Variants in NDUFA9 observed in about 807,000 individuals in gnomAD.
The protein encoded by NDUFA9 is NADH dehydrogenase [ubiquinone] 1 alpha subcomplex subunit 9, mitochondrial.
Under a neutral mutation model 45.9 loss-of-function variants are expected in NDUFA9, and 23 were observed. The ratio of observed to expected loss-of-function variants is 0.50; its 90% CI spans 0.36 to 0.71. The LOEUF (loss-of-function observed/expected upper bound fraction) is 0.71. NDUFA9 is among the 30% of genes least tolerant of loss of function. The pLI is 0.00. For synonymous variants in NDUFA9, 176 were observed against 170.5 expected (o/e 1.03, Z -0.25); for missense variants, 466 against 488.2 (o/e 0.95, Z 0.43).
chr12:4,661,462 T>C (rs1945822634), intron 5 of NDUFA9, among the ~76,000 whole-genome samples: 1 of 151,986 alleles, frequency 6.6e-6, no homozygotes, highest in African/African-American at 2.4e-5. Flanking sequence ...CAATTCATGG[T>C]TTTTATTGAT....
intron 8 of NDUFA9, among the ~76,000 whole-genome samples, chr12:4,671,121 TTCTC>T (rs1945884647): frequency 6.6e-6 from 1 of 152,214 alleles, no homozygotes; most frequent in African/African-American, 2.4e-5. Flanking sequence ...CTTTGCTTCT[TTCTC>T]TGATATTTTG....
chr12:4,654,450 G>A lies in NDUFA9; in HGVS notation c.208G>A (p.Val70Ile). 1 of 1,614,056 alleles carries A rather than the reference G, an allele frequency of 6.2e-7. No homozygotes were observed. Among genetic ancestry groups the A allele is most frequent in the East Asian group, 2.2e-5 (1 of 44,876 alleles). ...AACAGGATTCCTGGGGCGATATGTTGTCAACCACCTTGGTAAGTAAAGTTC... is the reference window on the plus strand; with the variant it reads ...AACAGGATTCCTGGGGCGATATGTTATCAACCACCTTGGTAAGTAAAGTTC... Reference protein sequence around the residue: ...GATGFLGRYVVNHLGRMGSQV... With the variant: ...GATGFLGRYVINHLGRMGSQV... Residue 70 changes from valine to isoleucine, a missense_variant, in exon 2 of 11, where the codon GTC becomes ATC. Transcript: ENST00000266544.
chr12:4,659,208 C>T (rs1466229187), intron 5 of NDUFA9, 31 bp downstream of exon 5: 1 of 1,583,932 alleles, frequency 6.3e-7, no homozygotes, highest in Admixed American at 1.7e-5. Flanking sequence ...GGAAGTGGTT[C>T]ACAGAGCCAG....
chr12:4,686,991 T>G lies in NDUFA9; in HGVS notation c.1017T>G (p.Gly339=), dbSNP rs941137623. The G allele has an allele frequency of 6.2e-6, 10 of 1,614,156 alleles. No individual in the cohort carries two copies. The highest frequency in any genetic ancestry group is 8.5e-6 in the Non-Finnish European group (10 of 1,180,032). ...ACCTGCCTGGCTTAGAAGACCTTGG[T>G]ATTCAGGCAACACCACTGGAACTCA... is the stretch of plus-strand genomic sequence containing the variant. ...LPHLPGLEDL[G]IQATPLELKA... The change falls in exon 11 of 11, where the codon GGT becomes GGG. Residue 339 remains glycine (G), a synonymous_variant. Coordinates refer to ENST00000266544, the MANE Select transcript of NDUFA9 (RefSeq NM_005002.5).
chr12:4,665,052 A>C (rs1945845307), intron 6 of NDUFA9, among the ~76,000 whole-genome samples: 1 of 152,166 alleles, frequency 6.6e-6, no homozygotes, highest in South Asian at 2.1e-4. Context: ...TCTTACCTAT[A>C]TCTGATTTAG....
At chr12:4,677,131 A>G (rs149113746) in intron 8 of NDUFA9, among the ~76,000 whole-genome samples, 234 of 152,338 alleles carry the variant, frequency 1.5e-3, no homozygotes, top group African/African-American at 5.4e-3. Flanking sequence ...CTTTCCTTAC[A>G]CCTGATACAA....
intron 8 of NDUFA9, among the ~76,000 whole-genome samples, chr12:4,673,168 A>G (rs375202444): frequency 6.6e-6 from 1 of 152,240 alleles, no homozygotes; most frequent in East Asian, 1.9e-4. Context: ...AAAGAATAGT[A>G]TCAACATCAA....
At chr12:4,664,534 C>T (rs1945842155) in intron 6 of NDUFA9, among the ~76,000 whole-genome samples, 1 of 152,230 alleles carries the variant, frequency 6.6e-6, no homozygotes, top group Admixed American at 6.5e-5. Context: ...AGTTTAAACA[C>T]CACATGGCCT....
intron 3 of NDUFA9, chr12:4,655,641 A>G (rs1341473310): frequency 6.6e-6 from 1 of 152,198 alleles, no homozygotes; most frequent in Non-Finnish European, 1.5e-5. Flanking sequence ...AAAAAATCAC[A>G]AATAGGGTGT....
At chr12:4,662,438 C>T in intron 5 of NDUFA9, 95 bp from the exon 6 acceptor site, 1 of 912,146 alleles carries the variant, frequency 1.1e-6, no homozygotes, top group Non-Finnish European at 1.8e-6. Context: ...AAAATATCGC[C>T]TTTGAAATAC....
intron 3 of NDUFA9, among the ~76,000 whole-genome samples, chr12:4,656,624 A>G (rs1294084570): frequency 6.6e-6 from 1 of 152,186 alleles, no homozygotes; most frequent in Non-Finnish European, 1.5e-5. Flanking sequence ...CTGAATGTCC[A>G]CTTGGTTTGC....
chr12:4,652,422 A>G (rs1272990424), intron 1 of NDUFA9, among the ~76,000 whole-genome samples: 1 of 152,080 alleles, frequency 6.6e-6, no homozygotes, highest in Non-Finnish European at 1.5e-5. Context: ...TCCTTGCCTC[A>G]CAGCCTCTCT....
At position 4,675,688 on chromosome 12, in the gene NDUFA9, A is replaced by T. The variant is rs192403716; in HGVS notation, c.800+5871A>T. On this transcript the variant is annotated intron_variant, in intron 8 of 10. Transcript: ENST00000266544. ...AATTAATAGCTTATCAACCAAAAAA[A>T]GTCCAGGACCAGATGGATTCACAGC... Among the ~76,000 whole-genome samples the T allele has an allele frequency of 3.3e-5, 5 of 152,342 alleles. No homozygotes were observed. In the East Asian group the frequency reaches 7.7e-4, roughly 23 times the overall value.
intron 8 of NDUFA9, among the ~76,000 whole-genome samples, chr12:4,674,777 C>T (rs1332024814): frequency 6.6e-6 from 1 of 152,192 alleles, no homozygotes; most frequent in Non-Finnish European, 1.5e-5. Context: ...AGAAAATTAA[C>T]AAGGATATCC....
At chr12:4,670,576 C>G (rs1945880536) in intron 8 of NDUFA9, among the ~76,000 whole-genome samples, 1 of 152,166 alleles carries the variant, frequency 6.6e-6, no homozygotes, top group South Asian at 2.1e-4. Flanking sequence ...TGACACTGTT[C>G]TCTTTAAGCC....
intron 8 of NDUFA9, among the ~76,000 whole-genome samples, chr12:4,679,373 A>G (rs976273579): frequency 6.6e-6 from 1 of 152,238 alleles, no homozygotes; most frequent in African/African-American, 2.4e-5. Flanking sequence ...TATATGCTTA[A>G]AATGGATGAA....
intron 8 of NDUFA9, among the ~76,000 whole-genome samples, chr12:4,678,740 A>T (rs183731784): frequency 1.3e-5 from 2 of 152,334 alleles, no homozygotes; most frequent in Non-Finnish European, 2.9e-5. Flanking sequence ...AATCAAAACC[A>T]TTATGAGATA....
chr12:4,665,927 A>G (rs1053872857), intron 6 of NDUFA9, among the ~76,000 whole-genome samples: 7 of 151,812 alleles, frequency 4.6e-5, no homozygotes, highest in Non-Finnish European at 1.0e-4. Flanking sequence ...TCAGTTTCCT[A>G]CATAGGTGGG....
At chr12:4,670,190 A>G (rs550065843) in intron 8 of NDUFA9, among the ~76,000 whole-genome samples, 85 of 152,342 alleles carry the variant, frequency 5.6e-4, no homozygotes, top group African/African-American at 1.9e-3. Context: ...GAGTATCACA[A>G]TGCCTCCAGA....
Sources: gnomAD v4.1 joint callset for allele counts (sites outside exome capture counted in the v4.1 genomes callset) on GRCh38, gnomAD v4.1.1 for gene constraint, MANE v1.5 for transcripts, NCBI Gene and HGNC (gene_info 2026-07-23, HGNC 2026-07-21) for gene names.